DNAJB6: variants seen among roughly 807,000 people sequenced by gnomAD.
DNAJB6 encodes the protein DnaJ heat shock protein family (Hsp40) member B6.
DNAJB6 carries 16 observed loss-of-function variants against 42.7 expected under a neutral mutation model. The observed-to-expected ratio is 0.37, with a 90% CI of 0.25 to 0.57. The LOEUF is 0.57. Among genes scored for constraint, DNAJB6 ranks in the 20% least tolerant of loss-of-function variants. The probability of loss-of-function intolerance (pLI) is 0.74; values close to 1 mark genes in which losing one functional copy is unlikely to be tolerated. For synonymous variants in DNAJB6, 170 were observed against 163.5 expected, an observed-to-expected ratio of 1.04 and a Z score of -0.30; for missense variants, 347 against 416.8, an observed-to-expected ratio of 0.83 and a Z score of 1.46.
chr7:157,397,247 GCCT>G (rs896977517), intron 8 of DNAJB6, among the ~76,000 whole-genome samples: 3 of 152,236 alleles, frequency 2.0e-5, no homozygotes, highest in African/African-American at 7.2e-5. Flanking sequence ...ACAGCATGTG[GCCT>G]CCACCTCACG....
intron 1 of DNAJB6, among the ~76,000 whole-genome samples, chr7:157,340,896 A>T (rs951803297): frequency 6.7e-6 from 1 of 150,316 alleles, no homozygotes; most frequent in African/African-American, 2.5e-5. Context: ...CGAACACCTG[A>T]CCTCAGGTGA....
intron 5 of DNAJB6, among the ~76,000 whole-genome samples, chr7:157,369,838 ACG>A (rs1210296908): frequency 2.6e-5 from 4 of 150,952 alleles, no homozygotes; most frequent in African/African-American, 4.9e-5. Flanking sequence ...GCCTTTCATA[ACG>A]TTATTATTAA....
chr7:157,339,601 TTGTGTGTGTGTGTGTG>T (rs59577692), intron 1 of DNAJB6, among the ~76,000 whole-genome samples: 13 of 122,434 alleles, frequency 1.1e-4, no homozygotes, highest in South Asian at 2.8e-4. Flanking sequence ...GCCCGGCCTT[TTGTGTGTGTGTGTGTG>T]TGTGTGTGTG....
At chr7:157,394,529 G>GA (rs34759611) in intron 8 of DNAJB6, among the ~76,000 whole-genome samples, 66,488 of 150,064 alleles carry the variant, frequency 0.44, 14,949 homozygotes, top group African/African-American at 0.54. Flanking sequence ...CCCTGTCTCA[G>GA]AAAAAAAAAA....
Position 157,415,691 on chromosome 7 carries a change from G to T in DNAJB6, c.899-325G>T, listed in dbSNP as rs182579594. Among the ~76,000 whole-genome samples, 5 of 151,824 alleles carry T rather than the reference G, an allele frequency of 3.3e-5. No individual in the cohort carries two copies. In the South Asian group the frequency reaches 1.0e-3, roughly 32 times the overall value. ...GGGGTTCCAGGACTGAGGTGCAGCC[G>T]TGCCCAGGGTGGGCTTCTAGCTCTG... On this transcript the variant is annotated intron_variant, in intron 9 of 9. Coordinates refer to ENST00000262177, the MANE Select transcript of DNAJB6 (RefSeq NM_058246.4).
rs773926703 is a variant in DNAJB6, at chr7:157,367,497, G to A, written c.346+14G>A. The A allele has an allele frequency of 4.7e-6, 7 of 1,481,740 alleles. No homozygotes were observed. The highest frequency in any genetic ancestry group is 1.7e-4 in the Middle Eastern group (1 of 5,852). The allele number at this position is 1,481,740 out of a possible 1,614,324, so 91.8% of individuals were successfully genotyped here. The stretch of plus-strand genomic sequence containing the variant: ...TTGACTTCTTTGGTAAGTTAATCAC[G>A]TGGGTTGACTTGGTGTGTGTCCATG... On this transcript the variant is annotated intron_variant, in intron 5 of 9. Coordinates refer to ENST00000262177, the MANE Select transcript of DNAJB6 (RefSeq NM_058246.4).
intron 8 of DNAJB6, among the ~76,000 whole-genome samples, chr7:157,389,201 C>G (rs147136682): frequency 3.3e-5 from 5 of 152,178 alleles, no homozygotes; most frequent in African/African-American, 1.2e-4. Flanking sequence ...TGAAAAATGC[C>G]TGCTTATCCT....
At chr7:157,377,868 G>A (rs1255160148) in intron 5 of DNAJB6, among the ~76,000 whole-genome samples, 1 of 152,144 alleles carries the variant, frequency 6.6e-6, no homozygotes, top group Non-Finnish European at 1.5e-5. Flanking sequence ...TCAAGTGAGG[G>A]CAAGAACAAG....
rs1191442706 is a variant in DNAJB6, at chr7:157,357,337, C to T, written c.-26-1210C>T. On this transcript the variant is annotated intron_variant, in intron 1 of 9. Transcript: ENST00000262177. ...TTCCTTCCTTCCTCGTTCCGTCGCC[C>T]GGGCTGGAGTCCGGTGGCATGGGCT... 1.5e-5 allele frequency among the ~76,000 whole-genome samples: 2 copies of T among 137,736 alleles called. 1 individual carries two copies. The highest frequency in any genetic ancestry group is 4.8e-4 in the South Asian group (2 of 4,142). 90.4% of individuals were successfully genotyped at this position (137,736 alleles called of 152,430 possible).
chr7:157,372,123 TAGTC>T (rs1800240484), intron 5 of DNAJB6: 2 of 152,788 alleles, frequency 1.3e-5, no homozygotes, highest in South Asian at 2.1e-4. Context: ...ATTATGATAG[TAGTC>T]AGTCATTTTA....
chr7:157,367,542 T>A, intron 5 of DNAJB6, 59 bp downstream of exon 5: 1 of 993,298 alleles, frequency 1.0e-6, no homozygotes, highest in Non-Finnish European at 1.6e-6. Flanking sequence ...AGGGCTTACT[T>A]AGTATGGCCT....
At position 157,391,583 on chromosome 7, in the gene DNAJB6, A is replaced by G. The variant is rs899037087; in HGVS notation, c.691+5972A>G. 5.3e-5 allele frequency among the ~76,000 whole-genome samples: 8 copies of G among 152,312 alleles called. No homozygotes were observed. In the East Asian group the frequency reaches 9.6e-4, roughly 18 times the overall value. On this transcript the variant is annotated intron_variant, in intron 8 of 9. Coordinates refer to ENST00000262177, the MANE Select transcript of DNAJB6 (RefSeq NM_058246.4). ...GGTCTGTGCCCAGCATGAGTGGTCT[A>G]TCTAGTGAGTGGCTGGGCACAGTTG...
intron 2 of DNAJB6, among the ~76,000 whole-genome samples, chr7:157,361,887 G>C (rs530690707): frequency 1.7e-3 from 253 of 152,302 alleles, no homozygotes; most frequent in Non-Finnish European, 3.0e-3. Context: ...TTCTGTCTCA[G>C]CCTCCTGAGT....
intron 1 of DNAJB6, among the ~76,000 whole-genome samples, chr7:157,338,336 C>CTTT (rs111666619): frequency 6.9e-6 from 1 of 145,334 alleles, no homozygotes; most frequent in Non-Finnish European, 1.5e-5. Flanking sequence ...TCCAGACTTC[C>CTTT]TTTTTTTTTT....
At chr7:157,349,750 T>C (rs2116896684) in intron 1 of DNAJB6, among the ~76,000 whole-genome samples, 1 of 152,294 alleles carries the variant, frequency 6.6e-6, no homozygotes, top group Admixed American at 6.5e-5. Flanking sequence ...GTTCAAGCAA[T>C]TCTCATGCCT....
intron 8 of DNAJB6, among the ~76,000 whole-genome samples, chr7:157,387,835 T>C (rs1050872880): frequency 3.5e-5 from 5 of 141,202 alleles, no homozygotes; most frequent in African/African-American, 1.4e-4. Flanking sequence ...ACTACTGTTT[T>C]GTTTGTTTGT....
Position 157,385,479 on chromosome 7 carries a change from G to A in DNAJB6, c.621-62G>A. 4 of 1,551,946 alleles carry A rather than the reference G, an allele frequency of 2.6e-6. No individual in the cohort carries two copies. In the South Asian group the frequency reaches 3.5e-5, roughly 14 times the overall value. On this transcript the variant is annotated intron_variant, in intron 7 of 9. Coordinates refer to ENST00000262177, the MANE Select transcript of DNAJB6 (RefSeq NM_058246.4). ...TTCAGTAATGTCCTTAAACAACTTA[G>A]TTACCCTCACACATGCATTTTCTTT...
chr7:157,359,060 G>T (rs925372530), intron 2 of DNAJB6, among the ~76,000 whole-genome samples: 1 of 152,206 alleles, frequency 6.6e-6, no homozygotes, highest in Non-Finnish European at 1.5e-5. Context: ...TTCGAGAACT[G>T]CAGCGCTGCC....
chr7:157,416,114 C>T lies in DNAJB6; in HGVS notation c.*16C>T, dbSNP rs754496495. 2.5e-6 allele frequency: 4 copies of T among 1,610,886 alleles called. No individual in the cohort carries two copies. Among genetic ancestry groups the T allele is most frequent in the African/African-American group, 2.7e-5 (2 of 74,854 alleles). On this transcript the variant is annotated 3_prime_UTR_variant, in exon 10 of 10. Transcript: ENST00000262177. ...CAATCACTAGACCGGACTTGAGGCACGCGGTGCACCCCCAGACGCTGGCGC... is the reference window on the plus strand; with the variant it reads ...CAATCACTAGACCGGACTTGAGGCATGCGGTGCACCCCCAGACGCTGGCGC...
Sources: gnomAD v4.1 joint callset for allele counts (sites outside exome capture counted in the v4.1 genomes callset) on GRCh38, gnomAD v4.1.1 for gene constraint, MANE v1.5 for transcripts, NCBI Gene and HGNC (gene_info 2026-07-23, HGNC 2026-07-21) for gene names.